The following SLC34A2 variants were observed in gnomAD, a reference collection of about 807,000 sequenced individuals.
SLC34A2 encodes solute carrier family 34 member 2.
A neutral mutation model predicts 50.8 loss-of-function variants in SLC34A2; 41 were observed. That is an observed-to-expected ratio of 0.81 (90% CI 0.63 to 1.05). The LOEUF (loss-of-function observed/expected upper bound fraction) is 1.05, where lower values mean the gene tolerates loss of function less well. SLC34A2 is among the 50% of genes least tolerant of loss of function. The pLI, the probability that SLC34A2 is intolerant of heterozygous loss-of-function variation, is 0.00. For synonymous variants in SLC34A2, 401 were observed against 364.2 expected (o/e 1.10, Z -1.15); for missense variants, 879 against 876.7 (o/e 1.00, Z -0.03).
intron 8 of SLC34A2, among the ~76,000 whole-genome samples, 162 bp from the exon 9 acceptor site, chr4:25,671,438 TA>T (rs1336446284): frequency 6.6e-6 from 1 of 152,132 alleles, no homozygotes; most frequent in Admixed American, 6.5e-5. Flanking sequence ...AGATTTCTAA[TA>T]AAGGTGAGAA....
At chr4:25,671,869 A>G (rs530452299) in intron 9 of SLC34A2, 148 bp downstream of exon 9, 1 of 1,140,674 alleles carries the variant, frequency 8.8e-7, no homozygotes, top group African/African-American at 1.5e-5. Flanking sequence ...ACATGCTTTC[A>G]CAGCAGAGGA....
chr4:25,666,342 G>C (rs920658261), intron 5 of SLC34A2, 71 bp downstream of exon 5: 3 of 1,560,320 alleles, frequency 1.9e-6, no homozygotes, highest in East Asian at 2.2e-5. Flanking sequence ...TGGGAAGGAC[G>C]GGGGAGGAAT....
Position 25,671,679 on chromosome 4 carries a change from T to G in SLC34A2, c.1006T>G (p.Trp336Gly). 6.2e-7 allele frequency: 1 copy of G among 1,614,226 alleles called. No individual in the cohort carries two copies. The highest frequency in any genetic ancestry group is 1.1e-5 in the South Asian group (1 of 91,084). Residue 336 changes from tryptophan to glycine, a missense_variant, in exon 9 of 13, where the codon TGG becomes GGG. Coordinates refer to ENST00000382051, the MANE Select transcript of SLC34A2 (RefSeq NM_006424.3). ...CTGTTGGACGGATGGCATCCAAAAC[T>G]GGACCATGAAGAATGTGACCTACAA... ...SLCWTDGIQN[W>G]TMKNVTYKEN...
chr4:25,675,908 G>C lies in SLC34A2; in HGVS notation c.1459-227G>C, dbSNP rs926282327. 2.0e-5 allele frequency among the ~76,000 whole-genome samples: 3 copies of C among 152,118 alleles called. No homozygotes were observed. In the East Asian group the frequency reaches 5.8e-4, roughly 29 times the overall value. ...GTTGCCACTCTGTAGAGTGTTTTTT[G>C]AGAATTGAGATAATGCACAGTTGAG... On this transcript the variant is annotated intron_variant, in intron 12 of 12. Transcript: ENST00000382051.
chr4:25,664,306 A>G lies in SLC34A2; in HGVS notation c.355A>G (p.Ser119Gly). ...TTTCGTGTGCTCCCTGGATATTCTT[A>G]GTAGCGCCTTCCAGCTGGTTGGAGG... Reference protein sequence around the residue: ...YFFVCSLDILSSAFQLVGGKM... With the variant: ...YFFVCSLDILGSAFQLVGGKM... The change falls in exon 4 of 13, where the codon AGT becomes GGT. Residue 119 changes from serine to glycine, a missense_variant. Transcript: ENST00000382051. 2 of 1,613,076 alleles carry G rather than the reference A, an allele frequency of 1.2e-6. No individual in the cohort carries two copies. The highest frequency in any genetic ancestry group is 1.3e-5 in the African/African-American group (1 of 74,590).
chr4:25,675,997 C>G, intron 12 of SLC34A2, 138 bp from the exon 13 acceptor site: 2 of 1,386,514 alleles, frequency 1.4e-6, no homozygotes, highest in East Asian at 5.0e-5. Context: ...CTGGGCTGAG[C>G]CATAAGGACA....
Position 25,664,303 on chromosome 4 carries a change from C to G in SLC34A2, c.352C>G (p.Leu118Val). 6.2e-7 allele frequency: 1 copy of G among 1,612,892 alleles called. No individual in the cohort carries two copies. ...CTTTTTCGTGTGCTCCCTGGATATT[C>G]TTAGTAGCGCCTTCCAGCTGGTTGG... ...LYFFVCSLDI[L>V]SSAFQLVGGK... is the part of the protein sequence containing the mutation. The change falls in exon 4 of 13, where the codon CTT becomes GTT. Residue 118 changes from leucine to valine, a missense_variant. Coordinates refer to ENST00000382051, the MANE Select transcript of SLC34A2 (RefSeq NM_006424.3).
intron 12 of SLC34A2, among the ~76,000 whole-genome samples, chr4:25,675,647 TGA>T (rs1379003295): frequency 1.3e-5 from 2 of 152,220 alleles, no homozygotes; most frequent in South Asian, 2.1e-4. Flanking sequence ...TGTCAAAAAT[TGA>T]GAGTCTTTGA....
chr4:25,672,725 T>C (rs930562666), intron 9 of SLC34A2, among the ~76,000 whole-genome samples: 8 of 152,038 alleles, frequency 5.3e-5, no homozygotes, highest in African/African-American at 1.7e-4. Context: ...CCCCTTACTT[T>C]GACTTGCCCA....
intron 1 of SLC34A2, among the ~76,000 whole-genome samples, chr4:25,661,720 T>A (rs568650437): frequency 9.2e-5 from 14 of 152,158 alleles, no homozygotes; most frequent in Non-Finnish European, 1.5e-4. Context: ...CACTAAGTTG[T>A]ATAAATCTGT....
intron 6 of SLC34A2, among the ~76,000 whole-genome samples, 162 bp from the exon 7 acceptor site, chr4:25,669,485 T>G (rs1010510792): frequency 6.6e-6 from 1 of 152,128 alleles, no homozygotes; most frequent in Non-Finnish European, 1.5e-5. Context: ...ACCAGCCACT[T>G]TGGGGATCGA....
rs1371773112 is a variant in SLC34A2 at position 25,673,165 on chromosome 4, T to C, written c.1127T>C (p.Leu376Pro). 1 of 1,614,172 alleles carries C rather than the reference T, an allele frequency of 6.2e-7. No homozygotes were observed. Among genetic ancestry groups the C allele is most frequent in the Non-Finnish European group, 8.5e-7 (1 of 1,180,034 alleles). Residue 376 changes from leucine to proline, a missense_variant, in exon 10 of 13, where the codon CTC (leucine) becomes CCC (proline). Leu to Pro is a moderately conservative substitution (Grantham distance 98). Transcript: ENST00000382051. ...TTGCTCATACTCTCCCTGCTGGTCCTCTGTGGTTGCCTGATCATGATTGTC... is the reference window on the plus strand; with the variant it reads ...TTGCTCATACTCTCCCTGCTGGTCCCCTGTGGTTGCCTGATCATGATTGTC... ...TILLILSLLV[L>P]CGCLIMIVKI... is the part of the protein sequence containing the mutation.
chr4:25,676,551 C>T lies in SLC34A2; in HGVS notation c.1875C>T (p.Cys625=). The T allele has an allele frequency of 1.2e-6, 2 of 1,612,912 alleles. No individual in the cohort carries two copies. Among genetic ancestry groups the T allele is most frequent in the African/African-American group, 2.7e-5 (2 of 75,034 alleles). ...QMRCCCCCRV[C]CRACCLLCDC... ...GCTGCTGCTGCTGCTGCCGCGTGTG[C>T]TGCCGCGCGTGCTGCTTGCTGTGTG... The change falls in exon 13 of 13, where the codon TGC becomes TGT. Residue 625 remains cysteine, a synonymous_variant. Transcript: ENST00000382051.
intron 6 of SLC34A2, among the ~76,000 whole-genome samples, chr4:25,668,656 AAT>A (rs1363936091): frequency 2.0e-5 from 3 of 148,994 alleles, no homozygotes; most frequent in Non-Finnish European, 1.5e-5. Context: ...AAAAAAAAAA[AAT>A]AAATAAATAC....
intron 9 of SLC34A2, among the ~76,000 whole-genome samples, chr4:25,672,763 T>C (rs530551606): frequency 6.6e-6 from 1 of 151,420 alleles, no homozygotes; most frequent in South Asian, 2.1e-4. Flanking sequence ...TACTTATCAT[T>C]AGTAAAAAAA....
chr4:25,660,121 G>A (rs1232052801), intron 1 of SLC34A2, among the ~76,000 whole-genome samples: 1 of 152,034 alleles, frequency 6.6e-6, no homozygotes, highest in Admixed American at 6.6e-5. Flanking sequence ...ATATCTTTTT[G>A]GTCTACATCA....
In SLC34A2 at chr4:25,677,547, GGCCCCAGATTCTTAATTTA is replaced by G. The variant is rs1476389957; in HGVS notation, c.*801_*819del. The G allele has an allele frequency of 6.6e-6, 1 of 152,184 alleles. No homozygotes were observed. Among genetic ancestry groups the G allele is most frequent in the Non-Finnish European group, 1.5e-5 (1 of 68,062 alleles). The allele number at this position is 152,184 out of a possible 1,614,324, so 9.4% of individuals were successfully genotyped here. A position where few individuals can be genotyped will look rare whatever the true frequency, so the allele number is the denominator to read the frequency against. ...GAGTAGCATAGCATTCTGCCAAAAG[GGCCCCAGATTCTTAATTTA>G]GCAAACTAAGAAGCCCAATTCAAAA... On this transcript the variant is annotated 3_prime_UTR_variant, in exon 13 of 13. Coordinates refer to ENST00000382051, the MANE Select transcript of SLC34A2 (RefSeq NM_006424.3).
rs1715221637 is a variant in SLC34A2 at position 25,677,708 on chromosome 4, C to T, written c.*959C>T. Reference sequence around the variant, plus strand: ...AGGCTCGTAGCCTGCATGCTGCCACCTTGAATCCCAGGGAGTATCTGCACC... The same window carrying T: ...AGGCTCGTAGCCTGCATGCTGCCACTTTGAATCCCAGGGAGTATCTGCACC... On this transcript the variant is annotated 3_prime_UTR_variant, in exon 13 of 13. Coordinates refer to ENST00000382051, the MANE Select transcript of SLC34A2 (RefSeq NM_006424.3). 6.6e-6 allele frequency: 1 copy of T among 152,204 alleles called. No homozygotes were observed. Among genetic ancestry groups the T allele is most frequent in the Non-Finnish European group, 1.5e-5 (1 of 68,046 alleles). The allele number at this position is 152,204 out of a possible 1,614,324, so 9.4% of individuals were successfully genotyped here.
chr4:25,677,466 C>A lies in SLC34A2; in HGVS notation c.*717C>A, dbSNP rs1007066104. On this transcript the variant is annotated 3_prime_UTR_variant, in exon 13 of 13. Coordinates refer to ENST00000382051, the MANE Select transcript of SLC34A2 (RefSeq NM_006424.3). ...TGGATACATGTGCTCACCTGCTGCT[C>A]TTGTCTTCCTAAGAGACAGAGAGTG... 3 of 152,350 alleles carry A rather than the reference C, an allele frequency of 2.0e-5. No homozygotes were observed. Among genetic ancestry groups the A allele is most frequent in the South Asian group, 2.1e-4 (1 of 4,824 alleles). The allele number at this position is 152,350 out of a possible 1,614,324, so 9.4% of individuals were successfully genotyped here.
Sources: gnomAD v4.1 joint callset for allele counts (sites outside exome capture counted in the v4.1 genomes callset) on GRCh38, gnomAD v4.1.1 for gene constraint, MANE v1.5 for transcripts, NCBI Gene and HGNC (gene_info 2026-07-23, HGNC 2026-07-21) for gene names.